DSCAM: variants seen among roughly 807,000 people sequenced by gnomAD.
The protein encoded by DSCAM is cell adhesion molecule DSCAM.
DSCAM carries 47 observed loss-of-function variants against 217.7 expected under a neutral mutation model. The ratio of observed to expected loss-of-function variants is 0.22; its 90% CI spans 0.17 to 0.28. The LOEUF is 0.28. Among genes scored for constraint, DSCAM ranks in the 10% least tolerant of loss-of-function variants. The pLI is 1.00. For synonymous variants in DSCAM, 1,056 were observed against 1,015.3 expected, an observed-to-expected ratio of 1.04 and a Z score of -0.76; for missense variants, 2,080 against 2,618.3, an observed-to-expected ratio of 0.79 and a Z score of 4.49.
At chr21:40,798,756 G>A (rs149554689) in intron 1 of DSCAM, among the ~76,000 whole-genome samples, 4 of 152,208 alleles carry the variant, frequency 2.6e-5, no homozygotes, top group African/African-American at 2.4e-5. Flanking sequence ...ACTGTTAGCA[G>A]TATCTCTCTA....
chr21:40,085,804 T>C, intron 22 of DSCAM, 39 bp from the exon 23 acceptor site: 6 of 1,424,068 alleles, frequency 4.2e-6, no homozygotes, highest in Non-Finnish European at 5.6e-6. Flanking sequence ...TTAAAGAAAT[T>C]ACAATCCAAA....
chr21:40,417,244 A>C lies in DSCAM; in HGVS notation c.509-47999T>G, dbSNP rs192166037. Among the ~76,000 whole-genome samples, 12 of 152,200 alleles carry C rather than the reference A, an allele frequency of 7.9e-5. No individual in the cohort carries two copies. The East Asian group carries it at 2.3e-3, about 29-fold the overall frequency. On this transcript the variant is annotated intron_variant, in intron 3 of 32. Transcript: ENST00000400454. ...TTCATACAGATTTAATTTTATTATTATTATACTTAAAGTTTTAGGGTACAT... is the reference window on the plus strand; with the variant it reads ...TTCATACAGATTTAATTTTATTATTCTTATACTTAAAGTTTTAGGGTACAT...
intron 11 of DSCAM, among the ~76,000 whole-genome samples, chr21:40,242,632 C>T (rs1389787872): frequency 1.3e-5 from 2 of 152,182 alleles, no homozygotes. Context: ...GTGTGGCTTC[C>T]AGGCTGGAAG....
intron 4 of DSCAM, among the ~76,000 whole-genome samples, chr21:40,357,654 T>C (rs2074709388): frequency 6.6e-6 from 1 of 152,044 alleles, no homozygotes; most frequent in Non-Finnish European, 1.5e-5. Context: ...CTTCATTTAA[T>C]TAAGAAATGT....
At chr21:40,040,696 C>T (rs2088730796) in intron 32 of DSCAM, among the ~76,000 whole-genome samples, 1 of 152,174 alleles carries the variant, frequency 6.6e-6, no homozygotes, top group African/African-American at 2.4e-5. Flanking sequence ...CTGCTGACCC[C>T]TTCACCTGTA....
At chr21:40,091,343 T>C (rs1230207240) in intron 21 of DSCAM, among the ~76,000 whole-genome samples, 1 of 152,124 alleles carries the variant, frequency 6.6e-6, no homozygotes, top group East Asian at 1.9e-4. Flanking sequence ...ATCAGGTCCC[T>C]GTCTTCCTTC....
chr21:40,091,525 T>C (rs145929156), intron 21 of DSCAM, among the ~76,000 whole-genome samples: 14 of 152,136 alleles, frequency 9.2e-5, no homozygotes, highest in Admixed American at 6.5e-4. Context: ...CATCTGACAC[T>C]CCAGGTGAGG....
chr21:40,466,725 A>G (rs373520643), intron 3 of DSCAM, among the ~76,000 whole-genome samples: 56 of 152,096 alleles, frequency 3.7e-4, no homozygotes, highest in African/African-American at 1.3e-3. Context: ...TCCAATTTAA[A>G]TGCCTTCACT....
intron 11 of DSCAM, among the ~76,000 whole-genome samples, chr21:40,266,632 GTT>G (rs1271673729): frequency 3.9e-5 from 1 of 25,964 alleles, no homozygotes; most frequent in Non-Finnish European, 6.4e-5. Context: ...GGACAAAGAT[GTT>G]TTATATATAT....
chr21:40,239,299 G>A (rs907956739), intron 11 of DSCAM, among the ~76,000 whole-genome samples: 1 of 152,094 alleles, frequency 6.6e-6, no homozygotes, highest in Admixed American at 6.5e-5. Flanking sequence ...ATATAATTTT[G>A]ATATCACAAG....
At chr21:40,381,837 A>T (rs2075029280) in intron 3 of DSCAM, among the ~76,000 whole-genome samples, 1 of 152,240 alleles carries the variant, frequency 6.6e-6, no homozygotes, top group Non-Finnish European at 1.5e-5. Context: ...TAAAAAAATG[A>T]AATAAAAGAG....
At chr21:40,508,784 T>TATATATATATA (rs1430772822) in intron 3 of DSCAM, among the ~76,000 whole-genome samples, 3 of 9,092 alleles carry the variant, frequency 3.3e-4, no homozygotes, top group Non-Finnish European at 4.6e-4. Context: ...TATATATATA[T>TATATATATATA]TTTTTTTTTT....
chr21:40,343,917 T>A (rs973779387), intron 6 of DSCAM, among the ~76,000 whole-genome samples: 3 of 151,784 alleles, frequency 2.0e-5, no homozygotes, highest in Non-Finnish European at 4.4e-5. Context: ...TTTATTTTAT[T>A]TTTAGAGATG....
intron 10 of DSCAM, among the ~76,000 whole-genome samples, chr21:40,278,158 T>A (rs1282572997): frequency 1.3e-5 from 2 of 152,158 alleles, no homozygotes; most frequent in African/African-American, 4.8e-5. Flanking sequence ...ATATTTAGAA[T>A]AAATTTAACA....
chr21:40,786,283 A>AAAGG (rs200695938), intron 1 of DSCAM, among the ~76,000 whole-genome samples: 6 of 151,734 alleles, frequency 4.0e-5, no homozygotes, highest in Non-Finnish European at 8.8e-5. Flanking sequence ...AGAAAGAAAA[A>AAAGG]AAGGAAGGAA....
Position 40,395,938 on chromosome 21 carries a change from G to A in DSCAM, c.509-26693C>T, listed in dbSNP as rs114455242. ...CTCACAGCCCATCAGCCATCAGTTC[G>A]GAATGTCAAATCTGATTACAGTGTT... On this transcript the variant is annotated intron_variant, in intron 3 of 32. Coordinates refer to ENST00000400454, the MANE Select transcript of DSCAM (RefSeq NM_001389.5). Among the ~76,000 whole-genome samples the A allele has an allele frequency of 4.2e-3, 634 of 152,114 alleles. 4 individuals carry two copies. Among genetic ancestry groups the A allele is most frequent in the South Asian group, 0.014 (65 of 4,812 alleles).
rs116777092 is a variant in DSCAM at position 40,154,402 on chromosome 21, T to C, written c.3019-9671A>G. On this transcript the variant is annotated intron_variant, in intron 16 of 32. Transcript: ENST00000400454. ...CTGAGTACCTGGGATCACAGACATG[T>C]CACCATACCCGGCAAATTTTTGAAC... Among the ~76,000 whole-genome samples, 612 of 152,066 alleles carry C rather than the reference T, an allele frequency of 4.0e-3. 2 individuals carry two copies. The highest frequency in any genetic ancestry group is 0.014 in the African/African-American group (583 of 41,496).
chr21:40,643,274 G>A (rs2089905107), intron 3 of DSCAM, among the ~76,000 whole-genome samples: 1 of 152,170 alleles, frequency 6.6e-6, no homozygotes, highest in Admixed American at 6.5e-5. Flanking sequence ...TCAGGAAGGG[G>A]CCTGACTTCT....
chr21:40,659,173 A>T (rs187593811), intron 3 of DSCAM, among the ~76,000 whole-genome samples: 3 of 152,326 alleles, frequency 2.0e-5, no homozygotes, highest in Admixed American at 2.0e-4. Flanking sequence ...ACTATTTGAT[A>T]AAAATGGAGG....
Sources: gnomAD v4.1 joint callset for allele counts (sites outside exome capture counted in the v4.1 genomes callset) on GRCh38, gnomAD v4.1.1 for gene constraint, MANE v1.5 for transcripts, NCBI Gene and HGNC (gene_info 2026-07-23, HGNC 2026-07-21) for gene names.